Variants in TEX26 observed in about 807,000 individuals in gnomAD.
TEX26 encodes the protein testis-expressed protein 26.
A neutral mutation model predicts 35.3 loss-of-function variants in TEX26; 34 were observed. The observed-to-expected ratio is 0.96, with a 90% confidence interval of 0.73 to 1.28. The LOEUF is 1.28. Ranked by LOEUF, TEX26 falls within the 50% of genes most tolerant of loss-of-function variation. The probability of loss-of-function intolerance (pLI) is 0.00; values close to 1 mark genes in which losing one functional copy is unlikely to be tolerated. For synonymous variants in TEX26, 136 were observed against 111.8 expected (o/e 1.22, Z -1.36); for missense variants, 371 against 330.1 (o/e 1.12, Z -0.96).
Position 30,957,044 on chromosome 13 carries a change from T to A in TEX26, c.469+15T>A, listed in dbSNP as rs372514361. 6.2e-7 allele frequency: 1 copy of A among 1,610,468 alleles called. No individual in the cohort carries two copies. The highest frequency in any genetic ancestry group is 8.5e-7 in the Non-Finnish European group (1 of 1,177,386). On this transcript the variant is annotated intron_variant, in intron 4 of 6. Coordinates refer to ENST00000380473, the MANE Select transcript of TEX26 (RefSeq NM_152325.3). ...CAGATCAAAAGGTAAACACTTTTGT[T>A]TTTCTTTTTTTCCTGGGTCATGTGG...
chr13:30,956,285 A>G (rs1047858061), intron 3 of TEX26, among the ~76,000 whole-genome samples: 2 of 150,114 alleles, frequency 1.3e-5, no homozygotes, highest in Non-Finnish European at 3.0e-5. Context: ...TTGTCCTTGC[A>G]ATAGTTTGCT....
At chr13:30,943,117 A>G (rs1177417420) in intron 2 of TEX26, among the ~76,000 whole-genome samples, 1 of 152,144 alleles carries the variant, frequency 6.6e-6, no homozygotes, top group Non-Finnish European at 1.5e-5. Context: ...CTTCTGATCC[A>G]TGAAACACAT....
chr13:30,945,209 C>CT (rs985800503), intron 2 of TEX26, among the ~76,000 whole-genome samples: 20 of 150,594 alleles, frequency 1.3e-4, no homozygotes, highest in East Asian at 7.8e-4. Context: ...CTTTCTTTGT[C>CT]TTTTTTTTTA....
At chr13:30,943,215 C>A (rs111544013) in intron 2 of TEX26, among the ~76,000 whole-genome samples, 35 of 152,076 alleles carry the variant, frequency 2.3e-4, no homozygotes, top group Middle Eastern at 3.4e-3. Flanking sequence ...TTCACCTCCT[C>A]CTTGGTTAAG....
chr13:30,960,960 G>A (rs781426586), intron 4 of TEX26, among the ~76,000 whole-genome samples: 13 of 152,170 alleles, frequency 8.5e-5, no homozygotes, highest in Non-Finnish European at 1.8e-4. Flanking sequence ...ATTAAAAACT[G>A]TGTACAAAGA....
chr13:30,953,784 T>C (rs187057668), intron 3 of TEX26, among the ~76,000 whole-genome samples: 1 of 152,324 alleles, frequency 6.6e-6, no homozygotes, highest in East Asian at 1.9e-4. Flanking sequence ...TATTCCCTTC[T>C]CCCATCACAA....
In TEX26 at chr13:30,953,269, G is replaced by A. The variant is rs866891372; in HGVS notation, c.312+444G>A. On this transcript the variant is annotated intron_variant, in intron 3 of 6. Coordinates refer to ENST00000380473, the MANE Select transcript of TEX26 (RefSeq NM_152325.3). ...ACCTTTTGTGGATATTTTACATGTGGAATCAATAATAGGTGACCTTTTGTG... is the reference window on the plus strand; with the variant it reads ...ACCTTTTGTGGATATTTTACATGTGAAATCAATAATAGGTGACCTTTTGTG... Among the ~76,000 whole-genome samples the A allele has an allele frequency of 3.5e-4, 53 of 152,226 alleles. 2 individuals carry two copies. The Middle Eastern group carries it at 0.037, about 107-fold the overall frequency.
At chr13:30,963,664 C>T (rs1402575381) in intron 4 of TEX26, among the ~76,000 whole-genome samples, 1 of 152,182 alleles carries the variant, frequency 6.6e-6, no homozygotes, top group Non-Finnish European at 1.5e-5. Context: ...TTAGTAAATA[C>T]TTAATGAGTT....
At chr13:30,959,436 C>T (rs1458503335) in intron 4 of TEX26, among the ~76,000 whole-genome samples, 1 of 152,170 alleles carries the variant, frequency 6.6e-6, no homozygotes, top group Non-Finnish European at 1.5e-5. Context: ...ATAACTCTGT[C>T]TCACTGGCCC....
chr13:30,944,725 T>C (rs2138205141), intron 2 of TEX26, among the ~76,000 whole-genome samples: 1 of 152,178 alleles, frequency 6.6e-6, no homozygotes, highest in East Asian at 1.9e-4. Flanking sequence ...GAGCAGATTG[T>C]TTAATTTCTA....
chr13:30,961,774 A>C (rs539483762), intron 4 of TEX26, among the ~76,000 whole-genome samples: 6 of 152,202 alleles, frequency 3.9e-5, no homozygotes, highest in Non-Finnish European at 7.3e-5. Context: ...ACTTTTGAGC[A>C]TCATTTAACT....
chr13:30,939,579 A>G, intron 1 of TEX26, 115 bp from the exon 2 acceptor site: 2 of 896,006 alleles, frequency 2.2e-6, no homozygotes, highest in South Asian at 3.2e-5. Context: ...TAGACTCTAA[A>G]GATAAACCAT....
chr13:30,964,488 A>G (rs1954458915), intron 4 of TEX26, among the ~76,000 whole-genome samples: 1 of 152,362 alleles, frequency 6.6e-6, no homozygotes, highest in Middle Eastern at 3.4e-3. Flanking sequence ...GAACTGATAT[A>G]GGAACTGAAA....
intron 6 of TEX26, among the ~76,000 whole-genome samples, chr13:30,969,695 AG>A (rs1259953968): frequency 6.6e-6 from 1 of 152,176 alleles, no homozygotes; most frequent in Admixed American, 6.5e-5. Context: ...ATCCTACGTG[AG>A]GGATCACACA....
At chr13:30,948,457 T>C (rs1953798511) in intron 2 of TEX26, among the ~76,000 whole-genome samples, 1 of 152,214 alleles carries the variant, frequency 6.6e-6, no homozygotes. Context: ...TGGTATCTCA[T>C]TGTGGTTTTG....
rs1242873688 is a variant in TEX26, at chr13:30,975,002, T to C, written c.*95T>C. ...TCTCAATTATCAAGGAAAAATAAGA[T>C]GCAAATAGCTTCAAGTATGATGTGA... On this transcript the variant is annotated 3_prime_UTR_variant, in exon 7 of 7. Transcript: ENST00000380473. 6 of 799,254 alleles carry C rather than the reference T, an allele frequency of 7.5e-6. No homozygotes were observed. The highest frequency in any genetic ancestry group is 1.8e-5 in the African/African-American group (1 of 55,458). The allele number at this position is 799,254 out of a possible 1,614,324, so 49.5% of individuals were successfully genotyped here. A position where few individuals can be genotyped will look rare whatever the true frequency, so the allele number is the denominator to read the frequency against.
chr13:30,960,149 G>T (rs1413923098), intron 4 of TEX26, among the ~76,000 whole-genome samples: 1 of 152,318 alleles, frequency 6.6e-6, no homozygotes, highest in South Asian at 2.1e-4. Flanking sequence ...CTGGATAGTT[G>T]GATCGAGCCT....
At chr13:30,972,567 C>T (rs1311816111) in intron 6 of TEX26, among the ~76,000 whole-genome samples, 2 of 152,262 alleles carry the variant, frequency 1.3e-5, no homozygotes, top group South Asian at 4.1e-4. Flanking sequence ...GCAGTCAGAA[C>T]CCCACAGAGC....
rs1662713230 is a variant in TEX26, at chr13:30,974,645, TAA to T, written c.809-200_809-199del. On this transcript the variant is annotated intron_variant, in intron 6 of 6. Transcript: ENST00000380473. ...GTAAGTTTGCTAATCCCTTGAGTATTAAGTTTACTCTTCTTAATCAATAATTA... is the reference window on the plus strand; with the variant it reads ...GTAAGTTTGCTAATCCCTTGAGTATTGTTTACTCTTCTTAATCAATAATTA... 4.6e-5 allele frequency among the ~76,000 whole-genome samples: 7 copies of T among 152,338 alleles called. No individual in the cohort carries two copies. In the South Asian group the frequency reaches 1.5e-3, roughly 32 times the overall value.
Sources: allele counts gnomAD v4.1 joint callset (sites outside exome capture counted in the v4.1 genomes callset), GRCh38; gene constraint gnomAD v4.1.1; transcripts MANE v1.5; gene names NCBI Gene and HGNC (gene_info 2026-07-23, HGNC 2026-07-21).